The following SCN11A variants were observed in gnomAD, a reference collection of about 807,000 sequenced individuals.
The protein encoded by SCN11A is sodium voltage-gated channel alpha subunit 11, also known as sodium channel protein type 11 subunit alpha.
A neutral mutation model predicts 162.2 loss-of-function variants in SCN11A; 122 were observed. That is an observed-to-expected ratio of 0.75 (90% CI 0.65 to 0.87). The LOEUF is 0.87. SCN11A is among the 40% of genes least tolerant of loss of function. The pLI is 0.00. For synonymous variants in SCN11A, 758 were observed against 751.5 expected, an observed-to-expected ratio of 1.01 and a Z score of -0.14; for missense variants, 2,015 against 2,181.6, an observed-to-expected ratio of 0.92 and a Z score of 1.52.
chr3:38,846,609 G>T lies in SCN11A; in HGVS notation c.*85C>A, dbSNP rs549227048. 2 of 1,037,100 alleles carry T rather than the reference G, an allele frequency of 1.9e-6. No individual in the cohort carries two copies. Among genetic ancestry groups the T allele is most frequent in the South Asian group, 1.4e-5 (1 of 69,392 alleles). 64.2% of individuals were successfully genotyped at this position (1,037,100 alleles called of 1,614,324 possible). ...GGCTAATTTGGTGAATCCACTCCCT[G>T]TTGATACACTAAGCTGCTGACCCCT... On this transcript the variant is annotated 3_prime_UTR_variant, in exon 30 of 30. Coordinates refer to ENST00000302328, the MANE Select transcript of SCN11A (RefSeq NM_001349253.2).
At chr3:38,948,694 T>C (rs1024915247) in intron 5 of SCN11A, among the ~76,000 whole-genome samples, 22 of 152,194 alleles carry the variant, frequency 1.4e-4, no homozygotes, top group African/African-American at 4.8e-4. Context: ...TAAACAGATA[T>C]CGTGTCTTCT....
intron 2 of SCN11A, among the ~76,000 whole-genome samples, chr3:38,964,565 T>A (rs1019405464): frequency 1.3e-5 from 2 of 152,184 alleles, no homozygotes; most frequent in Admixed American, 1.3e-4. Flanking sequence ...CGTTCTGGTA[T>A]GGCTTCCGAG....
chr3:39,022,865 C>A (rs1339626224), intron 2 of SCN11A, among the ~76,000 whole-genome samples: 1 of 151,292 alleles, frequency 6.6e-6, no homozygotes, highest in Non-Finnish European at 1.5e-5. Flanking sequence ...GGTGACAGAG[C>A]AAGACCCTGT....
chr3:38,914,326 G>A (rs2065928352), intron 11 of SCN11A, among the ~76,000 whole-genome samples: 1 of 152,008 alleles, frequency 6.6e-6, no homozygotes, highest in South Asian at 2.1e-4. Flanking sequence ...AGTGGTTTTC[G>A]TACATTGATT....
chr3:39,036,701 T>C lies in SCN11A; in HGVS notation c.-403-4198A>G, dbSNP rs566600993. Among the ~76,000 whole-genome samples the C allele has an allele frequency of 3.2e-4, 49 of 152,264 alleles. No homozygotes were observed. In the South Asian group the frequency reaches 7.9e-3, roughly 24 times the overall value. On this transcript the variant is annotated intron_variant, in intron 1 of 29. Transcript: ENST00000302328. Reference sequence around the variant, plus strand: ...ATTAAAAATGGGCAAAAGATCTGAATAGATATTTCTCAAAAGAAGACATAC... The same window carrying C: ...ATTAAAAATGGGCAAAAGATCTGAACAGATATTTCTCAAAAGAAGACATAC...
intron 2 of SCN11A, among the ~76,000 whole-genome samples, chr3:38,979,210 G>T (rs1489512741): frequency 6.6e-6 from 1 of 152,194 alleles, no homozygotes; most frequent in Non-Finnish European, 1.5e-5. Flanking sequence ...AGTATTTGCT[G>T]AATGAAGAAA....
intron 1 of SCN11A, among the ~76,000 whole-genome samples, chr3:39,035,053 C>T (rs1405450356): frequency 6.6e-6 from 1 of 152,058 alleles, no homozygotes; most frequent in Non-Finnish European, 1.5e-5. Context: ...AATGCAATCC[C>T]TATGAAAATA....
Position 38,903,984 on chromosome 3 carries a change from T to C in SCN11A, c.1723A>G (p.Thr575Ala). Residue 575 changes from threonine to alanine, a missense_variant, in exon 16 of 30, where the codon ACT becomes GCT. Coordinates refer to ENST00000302328, the MANE Select transcript of SCN11A (RefSeq NM_001349253.2). ...ATGGCCAGCTCAGTAAACGGGTCAG[T>C]CATCACAGTTCTCAGGACCTTCTTA... ...CVKKVLRTVM[T>A]DPFTELAITI... The C allele has an allele frequency of 6.2e-7, 1 of 1,614,052 alleles. No individual in the cohort carries two copies. Among genetic ancestry groups the C allele is most frequent in the Non-Finnish European group, 8.5e-7 (1 of 1,179,918 alleles).
rs767369514 is a variant in SCN11A at position 38,905,244 on chromosome 3, G to A, written c.1551C>T (p.Leu517=). The A allele has an allele frequency of 6.2e-7, 1 of 1,614,068 alleles. No individual in the cohort carries two copies. Among genetic ancestry groups the A allele is most frequent in the South Asian group, 1.1e-5 (1 of 91,062 alleles). ...CAGCACTCAGTGCTCTCTGCCTTTG[G>A]AGAGGATCTCCATGCTCATCAAAGT... ...LDHFDEHGDP[L]QRQRALSAVS... The change falls in exon 15 of 30, where the codon CTC becomes CTT. Residue 517 remains leucine (L), a synonymous_variant. Transcript: ENST00000302328.
chr3:38,950,961 C>T (rs570479002), intron 4 of SCN11A, among the ~76,000 whole-genome samples: 1 of 152,264 alleles, frequency 6.6e-6, no homozygotes, highest in Non-Finnish European at 1.5e-5. Context: ...GACTTCGACC[C>T]TAAGAAAGTG....
intron 7 of SCN11A, among the ~76,000 whole-genome samples, chr3:38,930,790 TCCCAC>T: frequency 6.6e-6 from 1 of 152,232 alleles, no homozygotes; most frequent in East Asian, 1.9e-4. Context: ...AACAGCCTCC[TCCCAC>T]CCCACATTCA....
intron 7 of SCN11A, among the ~76,000 whole-genome samples, chr3:38,945,163 T>G (rs780478616): frequency 6.6e-5 from 10 of 152,160 alleles, no homozygotes; most frequent in Non-Finnish European, 1.0e-4. Flanking sequence ...TGATAAAATA[T>G]TATATAACCA....
intron 2 of SCN11A, among the ~76,000 whole-genome samples, chr3:39,005,856 G>A (rs766494517): frequency 3.3e-5 from 5 of 151,994 alleles, no homozygotes; most frequent in African/African-American, 1.2e-4. Context: ...CTACCTCTCG[G>A]ATTTGTTTTT....
intron 23 of SCN11A, among the ~76,000 whole-genome samples, chr3:38,873,155 T>C (rs567665764): frequency 1.3e-5 from 2 of 152,294 alleles, no homozygotes; most frequent in Admixed American, 1.3e-4. Context: ...TTGGCTTTCA[T>C]ATGAGGAATT....
At position 38,847,167 on chromosome 3, in the gene SCN11A, G is replaced by C; in HGVS notation, c.4903C>G (p.Pro1635Ala). Residue 1635 changes from proline to alanine, a missense_variant, in exon 30 of 30, where the codon CCA becomes GCA. Physicochemically the swap from Pro to Ala is conservative, Grantham distance 27 (BLOSUM62 -1). Transcript: ENST00000302328. The part of the protein sequence containing the change: ...IFYEVWEKFD[P>A]EATQFIKYSA... ...TATTTGATAAATTGTGTTGCTTCTG[G>C]GTCAAACTTTTCCCACACTTCATAA... is the stretch of plus-strand genomic sequence containing the variant. 1 of 1,614,068 alleles carries C rather than the reference G, an allele frequency of 6.2e-7. No individual in the cohort carries two copies. The highest frequency in any genetic ancestry group is 1.3e-5 in the African/African-American group (1 of 75,030).
chr3:39,009,247 T>C (rs1017629725), intron 2 of SCN11A, among the ~76,000 whole-genome samples: 2 of 152,094 alleles, frequency 1.3e-5, no homozygotes, highest in African/African-American at 4.8e-5. Flanking sequence ...AATGTTAACA[T>C]AAAATACATT....
intron 2 of SCN11A, among the ~76,000 whole-genome samples, chr3:38,997,359 T>C (rs1239799271): frequency 6.6e-6 from 1 of 152,214 alleles, no homozygotes; most frequent in African/African-American, 2.4e-5. Context: ...GGAGTACTCG[T>C]CCCCAGATGT....
intron 3 of SCN11A, among the ~76,000 whole-genome samples, chr3:38,958,337 G>A (rs1244985612): frequency 2.0e-5 from 3 of 152,224 alleles, no homozygotes; most frequent in African/African-American, 7.2e-5. Context: ...CCTGTGAGGT[G>A]CCCATCTACA....
At chr3:39,006,290 G>A (rs1219732414) in intron 2 of SCN11A, among the ~76,000 whole-genome samples, 3 of 152,126 alleles carry the variant, frequency 2.0e-5, no homozygotes, top group African/African-American at 7.2e-5. Flanking sequence ...TGCTTCAAGT[G>A]ACAACCTAAA....
Sources: gnomAD v4.1 joint callset for allele counts (sites outside exome capture counted in the v4.1 genomes callset) on GRCh38, gnomAD v4.1.1 for gene constraint, MANE v1.5 for transcripts, NCBI Gene and HGNC (gene_info 2026-07-23, HGNC 2026-07-21) for gene names.